GPM6A: variants seen among roughly 807,000 people sequenced by gnomAD.
The protein encoded by GPM6A is neuronal membrane glycoprotein M6-a.
A neutral mutation model predicts 32.1 loss-of-function variants in GPM6A; 7 were observed. That is an observed-to-expected ratio of 0.22 (90% CI 0.12 to 0.41). The LOEUF is 0.41. GPM6A is among the 10% of genes least tolerant of loss of function. The pLI, the probability that GPM6A is intolerant of heterozygous loss-of-function variation, is 1.00. For synonymous variants in GPM6A, 130 were observed against 123.4 expected, an observed-to-expected ratio of 1.05 and a Z score of -0.35; for missense variants, 235 against 347.2, an observed-to-expected ratio of 0.68 and a Z score of 2.57.
chr4:175,752,509 G>A (rs1424917298), intron 1 of GPM6A, among the ~76,000 whole-genome samples: 1 of 151,990 alleles, frequency 6.6e-6, no homozygotes, highest in East Asian at 1.9e-4. Flanking sequence ...AGCAAAATGT[G>A]GTGATCCCTC....
chr4:175,959,802 G>A (rs1308709336), intron 1 of GPM6A, among the ~76,000 whole-genome samples: 1 of 152,102 alleles, frequency 6.6e-6, no homozygotes, highest in Non-Finnish European at 1.5e-5. Flanking sequence ...TGTCCAGGAT[G>A]GTTTTACAAA....
intron 2 of GPM6A, among the ~76,000 whole-genome samples, chr4:175,677,154 CAT>C (rs2110995346): frequency 6.6e-6 from 1 of 152,078 alleles, no homozygotes; most frequent in Admixed American, 6.5e-5. Flanking sequence ...TTTTTAATAA[CAT>C]AGGAATATGT....
At chr4:175,639,994 C>T (rs1741042884) in intron 6 of GPM6A, 135 bp downstream of exon 6, 10 of 762,502 alleles carry the variant, frequency 1.3e-5, no homozygotes, top group South Asian at 1.1e-4. Context: ...CCATTGTTTT[C>T]CCTACTTTTT....
chr4:175,899,437 GAC>G (rs962839786), intron 1 of GPM6A, among the ~76,000 whole-genome samples: 47 of 152,038 alleles, frequency 3.1e-4, no homozygotes, highest in African/African-American at 1.0e-3. Context: ...TTAAAAATAA[GAC>G]AGTGGAGGAA....
intron 3 of GPM6A, among the ~76,000 whole-genome samples, chr4:175,652,462 T>C (rs1032437678): frequency 1.8e-4 from 27 of 152,110 alleles, no homozygotes; most frequent in Admixed American, 1.1e-3. Flanking sequence ...ATATGGCAAT[T>C]CTCAAATCAC....
At chr4:175,746,682 A>G (rs904100295) in intron 1 of GPM6A, among the ~76,000 whole-genome samples, 2 of 152,192 alleles carry the variant, frequency 1.3e-5, no homozygotes, top group Non-Finnish European at 2.9e-5. Context: ...TTCTAAACCT[A>G]TGCCAAATCT....
chr4:175,875,418 G>T (rs1560975039), intron 1 of GPM6A, among the ~76,000 whole-genome samples: 2 of 152,174 alleles, frequency 1.3e-5, no homozygotes, highest in African/African-American at 4.8e-5. Context: ...TGATGGGAGA[G>T]GAAGCATTTG....
chr4:175,882,995 C>T (rs528392582), intron 1 of GPM6A, among the ~76,000 whole-genome samples: 1 of 152,000 alleles, frequency 6.6e-6, no homozygotes, highest in African/African-American at 2.4e-5. Context: ...AATTGAATGG[C>T]ATCATCAAAA....
intron 1 of GPM6A, chr4:175,961,268 T>G (rs551053917): frequency 2.0e-5 from 3 of 152,310 alleles, no homozygotes; most frequent in Admixed American, 1.3e-4. Flanking sequence ...GAATGTTCAT[T>G]CAACAAAAAT....
At chr4:175,984,179 T>C (rs1740899676) in intron 1 of GPM6A, among the ~76,000 whole-genome samples, 1 of 152,162 alleles carries the variant, frequency 6.6e-6, no homozygotes. Flanking sequence ...TATGTATTTA[T>C]TGAGACGAAG....
chr4:175,743,070 T>G (rs1272208738), intron 1 of GPM6A, among the ~76,000 whole-genome samples: 3 of 152,078 alleles, frequency 2.0e-5, no homozygotes, highest in Non-Finnish European at 4.4e-5. Flanking sequence ...CAACAAAATA[T>G]TCTTTTTTTC....
chr4:175,824,734 T>C (rs1448630083), intron 1 of GPM6A, among the ~76,000 whole-genome samples: 1 of 152,168 alleles, frequency 6.6e-6, no homozygotes, highest in Non-Finnish European at 1.5e-5. Context: ...ATTTGTGTGG[T>C]ATCCACTGTA....
chr4:175,971,839 G>A (rs1245188852), intron 1 of GPM6A: 1 of 152,158 alleles, frequency 6.6e-6, no homozygotes, highest in Non-Finnish European at 1.5e-5. Context: ...TAGCTGTTTG[G>A]TTTTAGAAAG....
At chr4:175,703,672 G>T (rs948656832) in intron 1 of GPM6A, among the ~76,000 whole-genome samples, 7 of 152,220 alleles carry the variant, frequency 4.6e-5, no homozygotes, top group African/African-American at 1.4e-4. Context: ...GCTATTGCTA[G>T]ATATCTTCTA....
Position 175,797,510 on chromosome 4 carries a change from C to G in GPM6A, c.37+14681G>C, listed in dbSNP as rs553868686. Among the ~76,000 whole-genome samples, 197 of 152,226 alleles carry G rather than the reference C, an allele frequency of 1.3e-3. 1 individual carries two copies. Among genetic ancestry groups the G allele is most frequent in the South Asian group, 7.3e-3 (35 of 4,824 alleles). On this transcript the variant is annotated intron_variant, in intron 1 of 6. Transcript: ENST00000393658. ...ATACATGGTAACTGTTTTATTGTTA[C>G]ATGCATTAGCATTTTCAATAACCGT...
At chr4:175,927,459 G>A (rs1414979419) in intron 1 of GPM6A, among the ~76,000 whole-genome samples, 3 of 152,224 alleles carry the variant, frequency 2.0e-5, no homozygotes, top group Admixed American at 2.0e-4. Flanking sequence ...GAGGCCTGTG[G>A]CCTTGCACAA....
At chr4:175,906,464 T>G (rs1738133647) in intron 1 of GPM6A, among the ~76,000 whole-genome samples, 1 of 152,124 alleles carries the variant, frequency 6.6e-6, no homozygotes, top group Admixed American at 6.6e-5. Flanking sequence ...AAAAACCAAT[T>G]TTAGAAAACA....
At chr4:175,807,425 T>C (rs1495716) in intron 1 of GPM6A, 52,015 of 152,096 alleles carry the variant, frequency 0.34, 9,658 homozygotes, top group South Asian at 0.44. Flanking sequence ...AGATTTGTTT[T>C]ACTTAGAGGT....
chr4:175,946,420 T>C (rs560604925), intron 1 of GPM6A, among the ~76,000 whole-genome samples: 21 of 152,338 alleles, frequency 1.4e-4, no homozygotes, highest in African/African-American at 4.8e-4. Context: ...TAAATCTCTG[T>C]GTCATGTAGC....
Sources: allele counts gnomAD v4.1 joint callset (sites outside exome capture counted in the v4.1 genomes callset), GRCh38; gene constraint gnomAD v4.1.1; transcripts MANE v1.5; gene names NCBI Gene and HGNC (gene_info 2026-07-23, HGNC 2026-07-21).